Variants in CEP295 observed in about 807,000 individuals in gnomAD.
The protein encoded by CEP295 is centrosomal protein 295, also known as centrosomal protein of 295 kDa.
CEP295 carries 190 observed loss-of-function variants against 291.6 expected under a neutral mutation model. That is an observed-to-expected ratio of 0.65 (90% CI 0.58 to 0.73). The LOEUF is 0.73. Ranked by LOEUF, CEP295 falls within the 30% of genes least tolerant of loss-of-function variation. The pLI, the probability that CEP295 is intolerant of heterozygous loss-of-function variation, is 0.00. For missense variants in CEP295, 2,863 were observed against 2,949.4 expected (o/e 0.97, Z 0.68); for synonymous variants, 993 against 1,038.8 (o/e 0.96, Z 0.85).
intron 21 of CEP295, 75 bp downstream of exon 21, chr11:93,723,364 T>A: frequency 9.1e-7 from 1 of 1,102,212 alleles, no homozygotes; most frequent in Non-Finnish European, 1.3e-6. Context: ...TTAAATTTTA[T>A]GCAGTGATTG....
intron 1 of CEP295, among the ~76,000 whole-genome samples, chr11:93,664,142 AT>A (rs1256106877): frequency 6.6e-6 from 1 of 152,228 alleles, no homozygotes; most frequent in East Asian, 1.9e-4. Flanking sequence ...AGTCTTAATT[AT>A]TTAAATATGA....
intron 25 of CEP295, 112 bp downstream of exon 25, chr11:93,728,933 T>G: frequency 1.1e-6 from 1 of 900,966 alleles, no homozygotes; most frequent in Non-Finnish European, 1.6e-6. Context: ...TGCATTTAAC[T>G]AAGCCGACAC....
In CEP295 at chr11:93,699,784, G is replaced by A. The variant is rs1591068695; in HGVS notation, c.4872G>A (p.Leu1624=). 6.4e-7 allele frequency: 1 copy of A among 1,552,176 alleles called. No individual in the cohort carries two copies. The highest frequency in any genetic ancestry group is 8.7e-7 in the Non-Finnish European group (1 of 1,147,080). Residue 1624 remains leucine (L), a synonymous_variant, in exon 15 of 30, where the codon CTG becomes CTA. Coordinates refer to ENST00000325212, the MANE Select transcript of CEP295 (RefSeq NM_033395.2). ...CTTATGAGAAACCCCAGGAAGAACT[G>A]TCTTTAAACAAACAAAGAAAGTTGA... The part of the protein sequence containing the change: ...MYSYEKPQEE[L]SLNKQRKLNK...
At position 93,727,393 on chromosome 11, in the gene CEP295, C is replaced by A; in HGVS notation, c.6917C>A (p.Thr2306Asn). 1.9e-6 allele frequency: 3 copies of A among 1,551,558 alleles called. No homozygotes were observed. Among genetic ancestry groups the A allele is most frequent in the Non-Finnish European group, 2.6e-6 (3 of 1,146,936 alleles). The change falls in exon 24 of 30, where the codon ACC (threonine) becomes AAC (asparagine). Residue 2306 changes from threonine (T) to asparagine (N), a missense_variant. Thr to Asn is a moderately conservative substitution (Grantham distance 65). This residue lies in a region of CEP295 where 2,295 missense variants were observed against 2,335.7 expected (regional missense o/e 0.98). Coordinates refer to ENST00000325212, the MANE Select transcript of CEP295 (RefSeq NM_033395.2). ...CTCATTGAAGATAATAAAAATGAAA[C>A]CTGTAGGGTTTTAGACATAAATCCA... ...QGLIEDNKNE[T>N]CRVLDINPQV...
At chr11:93,670,637 G>A (rs540468468) in intron 5 of CEP295, among the ~76,000 whole-genome samples, 14 of 152,176 alleles carry the variant, frequency 9.2e-5, no homozygotes, top group Admixed American at 6.5e-4. Flanking sequence ...CTGCTTGTAC[G>A]TTGAGCCATC....
intron 18 of CEP295, among the ~76,000 whole-genome samples, chr11:93,710,973 G>T (rs1342132198): frequency 6.6e-6 from 1 of 151,866 alleles, no homozygotes; most frequent in Non-Finnish European, 1.5e-5. Flanking sequence ...TTTCATTTCT[G>T]ATTTTATTTG....
rs1445980102 is a variant in CEP295 at position 93,684,141 on chromosome 11, C to G, written c.1114+13C>G. ...AGTGAAACAGATGGTAAAAACCCTTCTGAGCTAAATATTACAGTATTTCAC... is the reference window on the plus strand; with the variant it reads ...AGTGAAACAGATGGTAAAAACCCTTGTGAGCTAAATATTACAGTATTTCAC... On this transcript the variant is annotated intron_variant, in intron 9 of 29. Transcript: ENST00000325212. The G allele has an allele frequency of 6.5e-7, 1 of 1,547,624 alleles. No homozygotes were observed. Among genetic ancestry groups the G allele is most frequent in the South Asian group, 1.2e-5 (1 of 83,740 alleles).
intron 18 of CEP295, among the ~76,000 whole-genome samples, chr11:93,710,399 C>T (rs796797324): frequency 4.6e-5 from 7 of 152,100 alleles, no homozygotes; most frequent in African/African-American, 1.7e-4. Context: ...GGTTTTTGTC[C>T]TTCATTCTGT....
chr11:93,670,967 C>T (rs1340522704), intron 5 of CEP295, among the ~76,000 whole-genome samples: 3 of 152,144 alleles, frequency 2.0e-5, no homozygotes, highest in African/African-American at 7.2e-5. Context: ...ACTGCAGCCT[C>T]TACCTCCTGG....
Position 93,724,358 on chromosome 11 carries a change from A to C in CEP295, c.6301A>C (p.Asn2101His), listed in dbSNP as rs1458694657. The C allele has an allele frequency of 6.5e-7, 1 of 1,550,172 alleles. No individual in the cohort carries two copies. The highest frequency in any genetic ancestry group is 2.4e-5 in the East Asian group (1 of 40,888). ...SSSSSGISPD[N>H]RDFYQRSDSS... Reference sequence around the variant, plus strand: ...ATCATCCTCTGGGATTTCTCCAGACAACAGAGACTTTTACCAGGTATATTA... The same window carrying C: ...ATCATCCTCTGGGATTTCTCCAGACCACAGAGACTTTTACCAGGTATATTA... The change falls in exon 22 of 30, where the codon AAC (asparagine) becomes CAC (histidine). Residue 2101 changes from asparagine (N) to histidine (H), a missense_variant. Asn to His is a moderately conservative substitution (Grantham distance 68). Transcript: ENST00000325212.
intron 18 of CEP295, among the ~76,000 whole-genome samples, chr11:93,718,062 C>T (rs1318671995): frequency 6.6e-6 from 1 of 152,150 alleles, no homozygotes; most frequent in African/African-American, 2.4e-5. Context: ...CAGGCATGCA[C>T]CACCCCACCC....
chr11:93,728,564 TTCC>T lies in CEP295; in HGVS notation c.7162-113_7162-111del, dbSNP rs1168262679. The T allele has an allele frequency of 1.5e-5, 11 of 758,446 alleles. 1 individual carries two copies. The South Asian group carries it at 2.6e-4, about 18-fold the overall frequency. The allele number at this position is 758,446 out of a possible 1,614,324, so 47.0% of individuals were successfully genotyped here. A position where few individuals can be genotyped will look rare whatever the true frequency, so the allele number is the denominator to read the frequency against. ...TGGTCTTTGCCAATCATTGCTTTTCTTCCTCCATTTTCACATTTATATACACTT... is the reference window on the plus strand; with the variant it reads ...TGGTCTTTGCCAATCATTGCTTTTCTTCCATTTTCACATTTATATACACTT... On this transcript the variant is annotated intron_variant, in intron 24 of 29. Coordinates refer to ENST00000325212, the MANE Select transcript of CEP295 (RefSeq NM_033395.2).
chr11:93,725,793 T>C lies in CEP295; in HGVS notation c.6461T>C (p.Val2154Ala). 5.8e-6 allele frequency: 9 copies of C among 1,551,472 alleles called. No homozygotes were observed. Among genetic ancestry groups the C allele is most frequent in the Non-Finnish European group, 7.8e-6 (9 of 1,146,928 alleles). ...NQQPDTNLAHVGAHSFATENI... is the reference protein window; with the variant it reads ...NQQPDTNLAHAGAHSFATENI... ...CAACCTGACACTAACTTGGCTCATG[T>C]TGGAGCTCACAGTTTTGCTACAGAA... The change falls in exon 23 of 30, where the codon GTT (valine) becomes GCT (alanine). Residue 2154 changes from valine to alanine, a missense_variant. By Grantham distance (64) the Val-to-Ala change is moderately conservative. This residue lies in a region of CEP295 where 2,295 missense variants were observed against 2,335.7 expected (regional missense o/e 0.98). Coordinates refer to ENST00000325212, the MANE Select transcript of CEP295 (RefSeq NM_033395.2).
intron 6 of CEP295, 91 bp from the exon 7 acceptor site, chr11:93,679,321 A>G (rs1199056907): frequency 1.8e-5 from 19 of 1,069,520 alleles, no homozygotes; most frequent in Non-Finnish European, 2.4e-5. Flanking sequence ...TTATATATGT[A>G]GAAAACATGA....
chr11:93,725,402 A>G (rs559419091), intron 22 of CEP295, among the ~76,000 whole-genome samples: 1 of 152,246 alleles, frequency 6.6e-6, no homozygotes, highest in Non-Finnish European at 1.5e-5. Flanking sequence ...CAAAATTTAA[A>G]GTATCCTCCT....
At chr11:93,677,605 A>G (rs1201423193) in intron 6 of CEP295, among the ~76,000 whole-genome samples, 1 of 152,128 alleles carries the variant, frequency 6.6e-6, no homozygotes, top group Non-Finnish European at 1.5e-5. Flanking sequence ...CATCATGTCT[A>G]TTCTTTGTCA....
At chr11:93,724,681 C>T (rs1408872068) in intron 22 of CEP295, among the ~76,000 whole-genome samples, 1 of 151,534 alleles carries the variant, frequency 6.6e-6, no homozygotes, top group Non-Finnish European at 1.5e-5. Context: ...GTGGGAGGAC[C>T]ACTTGAGCCC....
At chr11:93,685,508 G>A (rs1479823391) in intron 9 of CEP295, among the ~76,000 whole-genome samples, 5 of 152,238 alleles carry the variant, frequency 3.3e-5, no homozygotes, top group South Asian at 4.1e-4. Flanking sequence ...TTGTCCAAAC[G>A]GAAGCCTAAG....
intron 12 of CEP295, among the ~76,000 whole-genome samples, chr11:93,693,106 T>A (rs56082186): frequency 0.92 from 139,084 of 151,436 alleles, 64,682 homozygotes; most frequent in East Asian, 1. Context: ...TGAAACCCCG[T>A]CTCTACTAAA....
Sources: allele counts gnomAD v4.1 joint callset (sites outside exome capture counted in the v4.1 genomes callset), GRCh38; gene constraint gnomAD v4.1.1; regional missense constraint gnomAD v4.1.1; transcripts MANE v1.5; gene names NCBI Gene and HGNC (gene_info 2026-07-23, HGNC 2026-07-21).